ADARB1: variants seen among roughly 807,000 people sequenced by gnomAD.
The protein encoded by ADARB1 is double-stranded RNA-specific editase 1.
In ADARB1, 10 loss-of-function variants were observed where a neutral mutation model predicts 52.4. That is an observed-to-expected ratio of 0.19 (90% CI 0.12 to 0.32). The LOEUF is 0.32. Ranked by LOEUF, ADARB1 falls within the 10% of genes least tolerant of loss-of-function variation. ADARB1 has a pLI of 1.00. For missense variants in ADARB1, 643 were observed against 922.3 expected (o/e 0.70, Z 3.92); for synonymous variants, 349 against 371.1 (o/e 0.94, Z 0.68).
intron 1 of ADARB1, among the ~76,000 whole-genome samples, chr21:45,109,573 C>A (rs1377109543): frequency 6.6e-6 from 1 of 152,212 alleles, no homozygotes; most frequent in African/African-American, 2.4e-5. Context: ...GGCTCTGCGC[C>A]CCCCCAGGAC....
intron 2 of ADARB1, among the ~76,000 whole-genome samples, chr21:45,158,579 A>C (rs1169815807): frequency 1.3e-5 from 2 of 150,354 alleles, no homozygotes; most frequent in Non-Finnish European, 3.0e-5. Context: ...TTGGGGAGGG[A>C]CCTCCCCGAG....
intron 8 of ADARB1, among the ~76,000 whole-genome samples, chr21:45,193,038 C>T (rs1777854427): frequency 6.6e-6 from 1 of 152,162 alleles, no homozygotes; most frequent in African/African-American, 2.4e-5. Context: ...ACCCATTTTG[C>T]ACAAAATATT....
intron 2 of ADARB1, among the ~76,000 whole-genome samples, chr21:45,170,622 A>G (rs2091442497): frequency 6.6e-6 from 1 of 151,834 alleles, no homozygotes; most frequent in Admixed American, 6.6e-5. Flanking sequence ...ATAGATATAT[A>G]AGATATATGC....
chr21:45,091,669 G>A (rs1382593345), intron 1 of ADARB1, among the ~76,000 whole-genome samples: 3 of 152,158 alleles, frequency 2.0e-5, no homozygotes, highest in Non-Finnish European at 4.4e-5. Context: ...CAGGATCCTG[G>A]TCACCAGCAT....
chr21:45,079,561 G>A (rs2086073480), intron 1 of ADARB1, among the ~76,000 whole-genome samples: 1 of 152,264 alleles, frequency 6.6e-6, no homozygotes, highest in South Asian at 2.1e-4. Context: ...TGGAGGACGA[G>A]GGTTGGGTCA....
intron 8 of ADARB1, among the ~76,000 whole-genome samples, chr21:45,190,741 CTG>C (rs563128803): frequency 1.5e-4 from 23 of 152,358 alleles, no homozygotes; most frequent in Non-Finnish European, 2.5e-4. Flanking sequence ...CTCCCAAACT[CTG>C]GCACCAGTCT....
Position 45,148,682 on chromosome 21 carries a change from C to T in ADARB1, c.-48+20109C>T, listed in dbSNP as rs539757275. On this transcript the variant is annotated intron_variant, in intron 2 of 10. Transcript: ENST00000348831. ...TCAAGAAGTAGAGCAGAGCTGAAAT[C>T]CTGGCTGCTCATGGGCATCACAGAT... Among the ~76,000 whole-genome samples the T allele has an allele frequency of 5.3e-5, 8 of 152,322 alleles. No homozygotes were observed. In the South Asian group the frequency reaches 1.7e-3, roughly 32 times the overall value.
chr21:45,225,547 G>T lies in ADARB1; in HGVS notation c.*3350G>T. ...TGTCTCTCCTTGTAATCTCACACAG[G>T]TACACTGAGGAGGGGACGGCTCCGT... is the stretch of plus-strand genomic sequence containing the variant. On this transcript the variant is annotated 3_prime_UTR_variant, in exon 11 of 11. Coordinates refer to ENST00000348831, the MANE Select transcript of ADARB1 (RefSeq NM_001112.4). The T allele has an allele frequency of 7.5e-7, 1 of 1,339,828 alleles. No individual in the cohort carries two copies. Among genetic ancestry groups the T allele is most frequent in the Non-Finnish European group, 9.7e-7 (1 of 1,033,288 alleles). The allele number at this position is 1,339,828 out of a possible 1,614,324, so 83.0% of individuals were successfully genotyped here.
chr21:45,138,762 C>T (rs1032783687), intron 2 of ADARB1, among the ~76,000 whole-genome samples: 1 of 152,124 alleles, frequency 6.6e-6, no homozygotes, highest in Admixed American at 6.6e-5. Flanking sequence ...AAACCACGCC[C>T]CCTGCTGGTC....
At chr21:45,203,215 G>GGCTGCCCTT (rs2092597820) in intron 8 of ADARB1, among the ~76,000 whole-genome samples, 1 of 152,132 alleles carries the variant, frequency 6.6e-6, no homozygotes, top group Non-Finnish European at 1.5e-5. Context: ...CCTCTGCCCT[G>GGCTGCCCTT]GCTGCCCTTG....
At position 45,132,304 on chromosome 21, in the gene ADARB1, C is replaced by T. The variant is rs537252782; in HGVS notation, c.-48+3731C>T. The T allele has an allele frequency of 7.9e-5, 12 of 152,290 alleles. No individual in the cohort carries two copies. The East Asian group carries it at 2.1e-3, about 27-fold the overall frequency. 9.4% of individuals were successfully genotyped at this position (152,290 alleles called of 1,614,324 possible). ...GGTCGGCAGTGGGAGAGCAGCTGGC[C>T]AGGTCAGAGGATTCATTTCTGTCTG... is the stretch of plus-strand genomic sequence containing the variant. On this transcript the variant is annotated intron_variant, in intron 2 of 10. Coordinates refer to ENST00000348831, the MANE Select transcript of ADARB1 (RefSeq NM_001112.4).
In ADARB1 at chr21:45,153,158, T is replaced by C. The variant is rs140085141; in HGVS notation, c.-47-18452T>C. Among the ~76,000 whole-genome samples the C allele has an allele frequency of 5.1e-3, 781 of 152,338 alleles. 7 individuals carry two copies. Among genetic ancestry groups the C allele is most frequent in the African/African-American group, 0.018 (737 of 41,578 alleles). ...TGAAAATATTTCCCCTTTAAAAGAA[T>C]GGAGAGCAAATTCCTTACATTCTGC... is the stretch of plus-strand genomic sequence containing the variant. On this transcript the variant is annotated intron_variant, in intron 2 of 10. Transcript: ENST00000348831.
Position 45,194,309 on chromosome 21 carries a change from A to G in ADARB1, c.1565+9218A>G, listed in dbSNP as rs373530788. Among the ~76,000 whole-genome samples the G allele has an allele frequency of 1.1e-3, 172 of 152,324 alleles. 1 individual carries two copies. The highest frequency in any genetic ancestry group is 4.0e-3 in the African/African-American group (165 of 41,576). ...CATCACCCAAAGCCCACAGTTTACA[A>G]TGGGGCTCACTCTTGATGCTGCACA... On this transcript the variant is annotated intron_variant, in intron 8 of 10. Transcript: ENST00000348831.
intron 1 of ADARB1, among the ~76,000 whole-genome samples, chr21:45,089,000 T>C (rs187255552): frequency 3.2e-4 from 49 of 152,334 alleles, no homozygotes; most frequent in Admixed American, 9.8e-4. Flanking sequence ...ACACCGAGGA[T>C]TGGTCTAAGC....
chr21:45,130,647 GC>G (rs1165065998), intron 2 of ADARB1, among the ~76,000 whole-genome samples: 25 of 152,188 alleles, frequency 1.6e-4, no homozygotes, highest in African/African-American at 5.8e-4. Flanking sequence ...GCCGTCCTCA[GC>G]CTCACTGCAC....
Position 45,220,888 on chromosome 21 carries a change from C to A in ADARB1, c.1800C>A (p.Val600=). 1 of 1,613,514 alleles carries A rather than the reference C, an allele frequency of 6.2e-7. No individual in the cohort carries two copies. Among genetic ancestry groups the A allele is most frequent in the East Asian group, 2.2e-5 (1 of 44,876 alleles). ...CAGGGAAGGCCCCCAACTTCAGTGT[C>A]AACTGGACGGTAGGCGACTCCGCTA... ...RQPGKAPNFS[V]NWTVGDSAIE... is the part of the protein sequence containing the mutation. The change falls in exon 10 of 11, where the codon GTC becomes GTA. Residue 600 remains valine (V), a synonymous_variant. Coordinates refer to ENST00000348831, the MANE Select transcript of ADARB1 (RefSeq NM_001112.4). This position sits in a 1 kb window ranked among gnomAD's most constrained non-coding sequence, Gnocchi z 6.3.
intron 1 of ADARB1, among the ~76,000 whole-genome samples, chr21:45,085,573 A>G (rs1369956442): frequency 3.3e-5 from 5 of 152,194 alleles, no homozygotes; most frequent in African/African-American, 9.7e-5. Context: ...GTCATTTTGA[A>G]TTTGAGTCCT....
chr21:45,223,713 C>T lies in ADARB1; in HGVS notation c.*1516C>T, dbSNP rs1227895832. On this transcript the variant is annotated 3_prime_UTR_variant, in exon 11 of 11. Transcript: ENST00000348831. ...GGAAACCAGAGCAGGGGCAGAGGGG[C>T]GTCATCCTCCCACCGGACGCTGGGA... 2.0e-6 allele frequency: 2 copies of T among 985,326 alleles called. No homozygotes were observed. The highest frequency in any genetic ancestry group is 6.2e-5 in the Admixed American group (1 of 16,260). The allele number at this position is 985,326 out of a possible 1,614,324, so 61.0% of individuals were successfully genotyped here. A position where few individuals can be genotyped will look rare whatever the true frequency, so the allele number is the denominator to read the frequency against.
intron 2 of ADARB1, among the ~76,000 whole-genome samples, chr21:45,154,592 T>A (rs1387774500): frequency 6.6e-6 from 1 of 152,242 alleles, no homozygotes; most frequent in Non-Finnish European, 1.5e-5. Flanking sequence ...GGGTTTTAGT[T>A]GGCTTCAGTG....
Sources: gnomAD v4.1 joint callset for allele counts (sites outside exome capture counted in the v4.1 genomes callset) on GRCh38, gnomAD v4.1.1 for gene constraint, Gnocchi (gnomAD v3.1) non-coding constraint, MANE v1.5 for transcripts, NCBI Gene and HGNC (gene_info 2026-07-23, HGNC 2026-07-21) for gene names.